NYAP2: variants seen among roughly 807,000 people sequenced by gnomAD.
NYAP2 encodes the protein neuronal tyrosine-phosphorylated phosphoinositide-3-kinase adaptor 2, also known as neuronal tyrosine-phosphorylated phosphoinositide-3-kinase adapter 2.
In NYAP2, 23 loss-of-function variants were observed where a neutral mutation model predicts 50.4. The observed-to-expected ratio is 0.46, with a 90% confidence interval of 0.33 to 0.65. The LOEUF (loss-of-function observed/expected upper bound fraction) is 0.65, where lower values mean the gene tolerates loss of function less well. NYAP2 is among the 30% of genes least tolerant of loss of function. NYAP2 has a pLI of 0.02. For synonymous variants in NYAP2, 394 were observed against 365.2 expected (o/e 1.08, Z -0.90); for missense variants, 885 against 861.0 (o/e 1.03, Z -0.35).
intron 4 of NYAP2, among the ~76,000 whole-genome samples, chr2:225,528,684 G>T (rs1353526404): frequency 6.6e-6 from 1 of 152,190 alleles, no homozygotes; most frequent in Non-Finnish European, 1.5e-5. Context: ...CTAGAGAGTT[G>T]TGGAACAGAT....
At chr2:225,471,725 CA>C (rs1303611900) in intron 3 of NYAP2, among the ~76,000 whole-genome samples, 1 of 152,188 alleles carries the variant, frequency 6.6e-6, no homozygotes, top group African/African-American at 2.4e-5. Flanking sequence ...TGTGTTATCA[CA>C]TTTACACAGG....
intron 6 of NYAP2, among the ~76,000 whole-genome samples, chr2:225,636,162 C>T (rs991764483): frequency 1.8e-4 from 27 of 152,136 alleles, no homozygotes; most frequent in African/African-American, 6.0e-4. Context: ...CCAAGCACAG[C>T]TGGCTAAAGG....
At chr2:225,513,646 G>A in exon 4 of NYAP2, 1 of 1,520,840 alleles carries the variant, frequency 6.6e-7, no homozygotes, top group Non-Finnish European at 8.8e-7. Flanking sequence ...GCCAGTAAGA[G>A]CGGGAAAACC....
intron 3 of NYAP2, among the ~76,000 whole-genome samples, chr2:225,512,438 C>T (rs892079781): frequency 1.3e-5 from 2 of 152,086 alleles, no homozygotes; most frequent in African/African-American, 4.8e-5. Flanking sequence ...GCAATACCTT[C>T]ACCAATTTAA....
chr2:225,679,498 T>TG, the NYAP2 span, among the ~76,000 whole-genome samples: 1 of 144,554 alleles, frequency 6.9e-6, no homozygotes, highest in Admixed American at 6.9e-5. Flanking sequence ...TAATTGTTTT[T>TG]TTTTTTTTTT....
chr2:225,473,909 C>T (rs908293546), intron 3 of NYAP2, among the ~76,000 whole-genome samples: 10 of 152,084 alleles, frequency 6.6e-5, no homozygotes, highest in Non-Finnish European at 1.2e-4. Context: ...AATGGTATTG[C>T]CTAGGTTTTC....
chr2:225,669,343 A>G, the NYAP2 span, among the ~76,000 whole-genome samples: 2 of 152,170 alleles, frequency 1.3e-5, no homozygotes, highest in Non-Finnish European at 2.9e-5. Context: ...AGGTTTCTGC[A>G]CATCACGTCT....
At chr2:225,604,758 C>G (rs1018645666) in intron 5 of NYAP2, among the ~76,000 whole-genome samples, 3 of 152,034 alleles carry the variant, frequency 2.0e-5, no homozygotes, top group African/African-American at 4.8e-5. Context: ...ATATTGGCCA[C>G]TAATGATTCC....
At chr2:225,520,440 G>T (rs1183045443) in intron 4 of NYAP2, among the ~76,000 whole-genome samples, 2 of 151,882 alleles carry the variant, frequency 1.3e-5, no homozygotes, top group African/African-American at 4.8e-5. Flanking sequence ...ATCTTGAATT[G>T]ATTTTTGTAT....
At chr2:225,663,284 A>ACC in the NYAP2 span, among the ~76,000 whole-genome samples, 3 of 151,986 alleles carry the variant, frequency 2.0e-5, no homozygotes. Flanking sequence ...AGCATCTCTC[A>ACC]CCCATTTTCC....
At chr2:225,447,654 T>G (rs945047027) in intron 3 of NYAP2, among the ~76,000 whole-genome samples, 3 of 151,882 alleles carry the variant, frequency 2.0e-5, no homozygotes, top group African/African-American at 7.3e-5. Flanking sequence ...CATGAAAAAA[T>G]CAAACAAAAT....
At chr2:225,569,075 A>G (rs1324248811) in intron 4 of NYAP2, among the ~76,000 whole-genome samples, 1 of 152,216 alleles carries the variant, frequency 6.6e-6, no homozygotes, top group Non-Finnish European at 1.5e-5. Flanking sequence ...AAATGCAGCT[A>G]TATGAGGGAT....
intron 4 of NYAP2, among the ~76,000 whole-genome samples, chr2:225,522,005 G>A (rs187919231): frequency 1.3e-5 from 2 of 152,178 alleles, no homozygotes; most frequent in Admixed American, 6.6e-5. Flanking sequence ...AGTCTTGGGA[G>A]GGTGTATGTG....
At chr2:225,421,913 A>G (rs1023570679) in intron 3 of NYAP2, among the ~76,000 whole-genome samples, 2 of 152,190 alleles carry the variant, frequency 1.3e-5, no homozygotes, top group Admixed American at 6.5e-5. Flanking sequence ...TCATTTCTAG[A>G]AATCAATTAT....
chr2:225,496,281 GC>G (rs925481975), intron 3 of NYAP2, among the ~76,000 whole-genome samples: 3 of 152,094 alleles, frequency 2.0e-5, no homozygotes, highest in Admixed American at 6.5e-5. Flanking sequence ...CCAGATTGTG[GC>G]CCTGAGTGTG....
At chr2:225,510,091 C>T (rs1690784565) in intron 3 of NYAP2, among the ~76,000 whole-genome samples, 1 of 152,136 alleles carries the variant, frequency 6.6e-6, no homozygotes, top group Non-Finnish European at 1.5e-5. Flanking sequence ...GGGGCTACAT[C>T]CTGGGGTGAA....
chr2:225,633,879 G>A (rs904720147), intron 6 of NYAP2, among the ~76,000 whole-genome samples: 8 of 152,180 alleles, frequency 5.3e-5, no homozygotes, highest in East Asian at 1.9e-4. Flanking sequence ...GGTAAGACCC[G>A]AAGACCACAC....
intron 3 of NYAP2, among the ~76,000 whole-genome samples, chr2:225,498,955 T>C (rs182491363): frequency 6.6e-6 from 1 of 152,136 alleles, no homozygotes; most frequent in South Asian, 2.1e-4. Context: ...AGAGGGCGAA[T>C]AGATGTCTCA....
chr2:225,453,299 CTGTT>C (rs1421458381), intron 3 of NYAP2, among the ~76,000 whole-genome samples: 5 of 152,064 alleles, frequency 3.3e-5, no homozygotes, highest in African/African-American at 1.2e-4. Context: ...AAGTAAGAGA[CTGTT>C]TGCTATATCA....
Sources: allele counts gnomAD v4.1 joint callset (sites outside exome capture counted in the v4.1 genomes callset), GRCh38; gene constraint gnomAD v4.1.1; transcripts MANE v1.5; gene names NCBI Gene and HGNC (gene_info 2026-07-23, HGNC 2026-07-21).